ZNF81: variants seen among roughly 807,000 people sequenced by gnomAD.
ZNF81 encodes zinc finger protein 81.
In ZNF81, 5 loss-of-function variants were observed where a neutral mutation model predicts 32.3. That is an observed-to-expected ratio of 0.15 (90% confidence interval 0.08 to 0.33). ZNF81 has a LOEUF of 0.33. ZNF81 is among the 10% of genes least tolerant of loss of function. The pLI is 1.00. For synonymous variants in ZNF81, 163 were observed against 166.8 expected (o/e 0.98, Z 0.17); for missense variants, 379 against 479.8 (o/e 0.79, Z 1.96).
At position 47,922,843 on chromosome X, in the gene ZNF81, G is replaced by A. The variant is rs1398837143; in HGVS notation, c.*6211G>A. 2.7e-5 allele frequency among the ~76,000 whole-genome samples: 3 copies of A among 111,378 alleles called. No homozygotes were observed. The highest frequency in any genetic ancestry group is 3.8e-5 in the Non-Finnish European group (2 of 53,074). ...CCTCTGAAGGTGCTAGGGAAGGAAC[G>A]GTTCCATGCCTCTCTCCTAGCTTTT... On this transcript the variant is annotated 3_prime_UTR_variant, in exon 5 of 5. Coordinates refer to ENST00000338637, the MANE Select transcript of ZNF81 (RefSeq NM_007137.5).
intron 1 of ZNF81, among the ~76,000 whole-genome samples, chrX:47,840,494 T>C (rs1462855751): frequency 9.1e-6 from 1 of 109,997 alleles, no homozygotes; most frequent in African/African-American, 3.3e-5. Context: ...CTTTCTTTCT[T>C]TTCTTTTTCT....
chrX:47,841,192 G>T, intron 1 of ZNF81: 2 of 760,764 alleles, frequency 2.6e-6, no homozygotes, highest in Non-Finnish European at 4.0e-6. Context: ...CTCAATCACT[G>T]TACTGTCTGT....
chrX:47,902,467 C>G (rs781825155), intron 4 of ZNF81, among the ~76,000 whole-genome samples: 5 of 111,619 alleles, frequency 4.5e-5, no homozygotes, highest in Admixed American at 2.9e-4. Context: ...AATCGACATA[C>G]ATAGGTTACT....
At chrX:47,889,257 T>C (rs1452636058) in intron 3 of ZNF81, among the ~76,000 whole-genome samples, 1 of 112,276 alleles carries the variant, frequency 8.9e-6, no homozygotes, top group Non-Finnish European at 1.9e-5. Context: ...TAGAAATGCT[T>C]CCAGGTTGGA....
At chrX:47,905,749 A>G (rs2058719201) in intron 4 of ZNF81, among the ~76,000 whole-genome samples, 1 of 112,155 alleles carries the variant, frequency 8.9e-6, no homozygotes, top group African/African-American at 3.2e-5. Flanking sequence ...ACAAGTTGAC[A>G]TCTTGGACTC....
At chrX:47,891,647 CA>C (rs1262312511) in intron 3 of ZNF81, among the ~76,000 whole-genome samples, 4 of 111,614 alleles carry the variant, frequency 3.6e-5, no homozygotes, top group Admixed American at 9.5e-5. Context: ...AGGACAGGTT[CA>C]GGGACCCACT....
At chrX:47,892,286 C>G (rs1332458301) in intron 3 of ZNF81, among the ~76,000 whole-genome samples, 1 of 111,573 alleles carries the variant, frequency 9.0e-6, no homozygotes, top group African/African-American at 3.3e-5. Flanking sequence ...CAACTACCCC[C>G]ATTGCACTTA....
Position 47,923,248 on chromosome X carries a change from C to T in ZNF81, c.*6616C>T, listed in dbSNP as rs782273588. 2.7e-5 allele frequency among the ~76,000 whole-genome samples: 3 copies of T among 111,404 alleles called. No individual in the cohort carries two copies. The South Asian group carries it at 1.1e-3, about 42-fold the overall frequency. On this transcript the variant is annotated 3_prime_UTR_variant, in exon 5 of 5. Transcript: ENST00000338637. ...TCACTTCCTGAGCCCGCACAGGTCC[C>T]CCTACAACTCTCTGTGCTTGGGACA...
chrX:47,858,081 GA>G (rs1189175588), intron 2 of ZNF81, among the ~76,000 whole-genome samples: 4 of 111,553 alleles, frequency 3.6e-5, no homozygotes, highest in Non-Finnish European at 7.5e-5. Context: ...CCTCACTCAT[GA>G]ATAGTGATGG....
chrX:47,878,410 A>G (rs1445394793), intron 2 of ZNF81, among the ~76,000 whole-genome samples: 1 of 112,117 alleles, frequency 8.9e-6, no homozygotes, highest in Non-Finnish European at 1.9e-5. Flanking sequence ...GTTTCAAGCA[A>G]TGCAGCAGCT....
chrX:47,893,130 A>G (rs2058668064), intron 3 of ZNF81, among the ~76,000 whole-genome samples: 1 of 111,072 alleles, frequency 9.0e-6, no homozygotes. Flanking sequence ...AGAGCCCCTG[A>G]TGGGAGGAGG....
rs1309016100 is a variant in ZNF81, at chrX:47,845,883, T to TA, written c.-163-221dup. Among the ~76,000 whole-genome samples, 31 of 112,562 alleles carry TA rather than the reference T, an allele frequency of 2.8e-4. No homozygotes were observed. The Admixed American group carries it at 2.8e-3, about 10-fold the overall frequency. On this transcript the variant is annotated intron_variant, in intron 1 of 4. Coordinates refer to ENST00000338637, the MANE Select transcript of ZNF81 (RefSeq NM_007137.5). ...CTGAAGCAGCTTTTTCATGTTCTCA[T>TA]AGCTAAAAGTTGGCAGAGCTAGAAT... is the stretch of plus-strand genomic sequence containing the variant.
In ZNF81 at chrX:47,839,744, A is replaced by G. The variant is rs1372481518; in HGVS notation, c.-164+2757A>G. 3.6e-5 allele frequency among the ~76,000 whole-genome samples: 4 copies of G among 111,920 alleles called. No individual in the cohort carries two copies. The East Asian group carries it at 1.1e-3, about 31-fold the overall frequency. On this transcript the variant is annotated intron_variant, in intron 1 of 4. Transcript: ENST00000338637. ...TGAATTGTGGTACTTTGCATTTTAC[A>G]AGGAATTGGACTGTTTCATCCAAGT...
intron 4 of ZNF81, 112 bp from the exon 5 acceptor site, chrX:47,914,809 GTCA>G: frequency 1.4e-6 from 1 of 715,362 alleles, no homozygotes; most frequent in East Asian, 3.5e-5. Context: ...TGTCATCATT[GTCA>G]TCATGAGATT....
Position 47,890,036 on chromosome X carries a change from T to C in ZNF81, c.181+1911T>C, listed in dbSNP as rs1292307229. Among the ~76,000 whole-genome samples, 4 of 111,687 alleles carry C rather than the reference T, an allele frequency of 3.6e-5. No individual in the cohort carries two copies. The East Asian group carries it at 8.4e-4, about 24-fold the overall frequency. The stretch of plus-strand genomic sequence containing the variant: ...TATCAGGTGATGAAGACCAAATATA[T>C]ATATCTTTTTAACTTTCCCTTATGG... On this transcript the variant is annotated intron_variant, in intron 3 of 4. Coordinates refer to ENST00000338637, the MANE Select transcript of ZNF81 (RefSeq NM_007137.5).
chrX:47,900,719 T>C (rs1181562910), intron 4 of ZNF81, among the ~76,000 whole-genome samples: 1 of 111,649 alleles, frequency 9.0e-6, no homozygotes, highest in South Asian at 3.7e-4. Context: ...CTAGGTTAGA[T>C]TGACACTGGA....
chrX:47,860,384 T>G (rs2148013213), intron 2 of ZNF81, among the ~76,000 whole-genome samples: 1 of 108,382 alleles, frequency 9.2e-6, no homozygotes, highest in South Asian at 4.1e-4. Flanking sequence ...GGTTTCACCG[T>G]GTTAGTCAGG....
intron 2 of ZNF81, among the ~76,000 whole-genome samples, chrX:47,855,901 T>G (rs1402367688): frequency 9.3e-6 from 1 of 108,068 alleles, no homozygotes; most frequent in Non-Finnish European, 1.9e-5. Flanking sequence ...ATACAAAAAT[T>G]AGCCAGGCGT....
At position 47,917,158 on chromosome X, in the gene ZNF81, C is replaced by A; in HGVS notation, c.*526C>A. On this transcript the variant is annotated 3_prime_UTR_variant, in exon 5 of 5. Transcript: ENST00000338637. Reference sequence around the variant, plus strand: ...TTTTTCAAATTTAGAATAATTATGTCCATCAAATGTTTCTTACTGAATATG... The same window carrying A: ...TTTTTCAAATTTAGAATAATTATGTACATCAAATGTTTCTTACTGAATATG... 3.4e-6 allele frequency: 1 copy of A among 291,642 alleles called. No individual in the cohort carries two copies. Among genetic ancestry groups the A allele is most frequent in the Non-Finnish European group, 6.0e-6 (1 of 166,768 alleles). 24.0% of individuals were successfully genotyped at this position (291,642 alleles called of 1,213,427 possible). A position where few individuals can be genotyped will look rare whatever the true frequency, so the allele number is the denominator to read the frequency against.
Sources: allele counts gnomAD v4.1 joint callset (sites outside exome capture counted in the v4.1 genomes callset), GRCh38; gene constraint gnomAD v4.1.1; transcripts MANE v1.5; gene names NCBI Gene and HGNC (gene_info 2026-07-23, HGNC 2026-07-21).